The following WIPI1 variants were observed in gnomAD, a reference collection of about 807,000 sequenced individuals.
WIPI1 encodes the protein WD repeat domain, phosphoinositide interacting 1, also known as WD repeat domain phosphoinositide-interacting protein 1.
A neutral mutation model predicts 55.3 loss-of-function variants in WIPI1; 45 were observed. The ratio of observed to expected loss-of-function variants is 0.81; its 90% CI spans 0.64 to 1.04. The LOEUF (loss-of-function observed/expected upper bound fraction) is 1.04, where lower values mean the gene tolerates loss of function less well. Ranked by LOEUF, WIPI1 falls within the 50% of genes least tolerant of loss-of-function variation. The pLI, the probability that WIPI1 is intolerant of heterozygous loss-of-function variation, is 0.00. For synonymous variants in WIPI1, 195 were observed against 217.6 expected, an observed-to-expected ratio of 0.90 and a Z score of 0.92; for missense variants, 445 against 559.0, an observed-to-expected ratio of 0.80 and a Z score of 2.06.
At chr17:68,433,780 T>G (rs1271911851) in intron 7 of WIPI1, among the ~76,000 whole-genome samples, 13 of 126,014 alleles carry the variant, frequency 1.0e-4, no homozygotes, top group African/African-American at 1.9e-4. Flanking sequence ...TTTTTTTTTT[T>G]TTTTTTTTTT....
At chr17:68,446,955 G>A (rs540470316) in intron 3 of WIPI1, among the ~76,000 whole-genome samples, 25 of 152,326 alleles carry the variant, frequency 1.6e-4, no homozygotes, top group African/African-American at 3.6e-4. Context: ...CTCTTAGTTC[G>A]TGTGAGAGCA....
At chr17:68,431,773 T>C (rs75189335) in intron 8 of WIPI1, among the ~76,000 whole-genome samples, 390 of 8,932 alleles carry the variant, frequency 0.044, 5 homozygotes, top group Non-Finnish European at 0.041. Flanking sequence ...CGTGGACAGG[T>C]TGAGCGGAGA....
intron 3 of WIPI1, among the ~76,000 whole-genome samples, chr17:68,445,542 C>A (rs7223365): frequency 6.6e-6 from 1 of 152,108 alleles, no homozygotes; most frequent in African/African-American, 2.4e-5. Context: ...CACGTCCCCA[C>A]TGTTCCTTCC....
At chr17:68,443,131 G>A (rs1191273490) in intron 4 of WIPI1, among the ~76,000 whole-genome samples, 1 of 151,918 alleles carries the variant, frequency 6.6e-6, no homozygotes, top group East Asian at 1.9e-4. Context: ...TGTTTTTTGA[G>A]ACAGAGTCTC....
rs939953229 is a variant in WIPI1, at chr17:68,421,318, G to A, written c.*455C>T. The A allele has an allele frequency of 6.3e-5, 10 of 158,996 alleles. No homozygotes were observed. The highest frequency in any genetic ancestry group is 6.1e-4 in the Admixed American group (10 of 16,506). 9.8% of individuals were successfully genotyped at this position (158,996 alleles called of 1,614,324 possible). A position where few individuals can be genotyped will look rare whatever the true frequency, so the allele number is the denominator to read the frequency against. ...ATTTTATTATTAGTGTCCAAAATGG[G>A]ACTCCCAAGTAATAAATGATTTATT... is the stretch of plus-strand genomic sequence containing the variant. On this transcript the variant is annotated 3_prime_UTR_variant, in exon 13 of 13. Coordinates refer to ENST00000262139, the MANE Select transcript of WIPI1 (RefSeq NM_017983.7).
intron 4 of WIPI1, 133 bp downstream of exon 4, chr17:68,444,360 T>A: frequency 1.3e-6 from 1 of 767,644 alleles, no homozygotes; most frequent in East Asian, 2.7e-5. Context: ...AAGACAAAGC[T>A]TCGAGATAAA....
chr17:68,440,270 G>A (rs1296712724), intron 4 of WIPI1, among the ~76,000 whole-genome samples: 1 of 152,178 alleles, frequency 6.6e-6, no homozygotes, highest in Admixed American at 6.5e-5. Flanking sequence ...TGGCCCAAGT[G>A]TCAGAAAAAT....
At chr17:68,444,849 C>T (rs1200372045) in intron 3 of WIPI1, among the ~76,000 whole-genome samples, 2 of 151,120 alleles carry the variant, frequency 1.3e-5, no homozygotes, top group Non-Finnish European at 2.9e-5. Context: ...CTTCCTTCTT[C>T]CCTCCCTCCA....
intron 8 of WIPI1, among the ~76,000 whole-genome samples, chr17:68,433,168 G>A (rs945139000): frequency 3.3e-5 from 5 of 152,228 alleles, no homozygotes; most frequent in Non-Finnish European, 7.3e-5. Flanking sequence ...TAATACTACT[G>A]TTATGTTCAT....
At position 68,450,854 on chromosome 17, in the gene WIPI1, G is replaced by T; in HGVS notation, c.207C>A (p.Ser69Arg). Reference protein sequence around the residue: ...DVYIVERLFSSSLVVVVSHTK... With the variant: ...DVYIVERLFSRSLVVVVSHTK... ...TGTGACTGACTACCACCACCAGGCT[G>T]CTGGAGAAGAGGCGCTCCACGATGT... Residue 69 changes from serine (S) to arginine (R), a missense_variant, in exon 3 of 13, where the codon AGC becomes AGA. Physicochemically the swap from Ser to Arg is moderately radical, Grantham distance 110 (BLOSUM62 -1). Transcript: ENST00000262139. 6.2e-7 allele frequency: 1 copy of T among 1,614,100 alleles called. No individual in the cohort carries two copies. Among genetic ancestry groups the T allele is most frequent in the Non-Finnish European group, 8.5e-7 (1 of 1,180,016 alleles).
chr17:68,457,193 T>C (rs1338367481), intron 1 of WIPI1, 149 bp downstream of exon 1: 1 of 899,852 alleles, frequency 1.1e-6, no homozygotes, highest in Non-Finnish European at 1.6e-6. Flanking sequence ...GGTACGGGGA[T>C]AACAAGATCC....
Position 68,433,508 on chromosome 17 carries a change from C to T in WIPI1, c.760G>A (p.Glu254Lys), listed in dbSNP as rs375682247. 175 of 1,613,958 alleles carry T rather than the reference C, an allele frequency of 1.1e-4. No homozygotes were observed. In the Middle Eastern group the frequency reaches 4.1e-3, roughly 38 times the overall value. The change falls in exon 8 of 13, where the codon GAG (glutamate) becomes AAG (lysine). Residue 254 changes from glutamate (E) to lysine (K), a missense_variant. Physicochemically the swap from Glu to Lys is moderately conservative, Grantham distance 56. Coordinates refer to ENST00000262139, the MANE Select transcript of WIPI1 (RefSeq NM_017983.7). ...SQFLCASSNT[E>K]TVHIFKLEQV... The stretch of plus-strand genomic sequence containing the variant: ...TCCAGCTTGAAGATGTGTACCGTCT[C>T]GGTGTTACTGGAGGCGCAGAGGAAT...
chr17:68,453,351 C>T (rs2084561512), intron 1 of WIPI1, among the ~76,000 whole-genome samples: 1 of 152,196 alleles, frequency 6.6e-6, no homozygotes, highest in Non-Finnish European at 1.5e-5. Flanking sequence ...GAAAGCTCTA[C>T]CTCCAACACA....
At chr17:68,451,211 A>T (rs1366869446) in intron 2 of WIPI1, among the ~76,000 whole-genome samples, 1 of 152,218 alleles carries the variant, frequency 6.6e-6, no homozygotes, top group Admixed American at 6.5e-5. Context: ...CAGGAGAATC[A>T]CTTGAGGCCA....
intron 3 of WIPI1, among the ~76,000 whole-genome samples, chr17:68,449,870 G>A (rs935832225): frequency 2.6e-5 from 4 of 152,180 alleles, no homozygotes; most frequent in African/African-American, 9.7e-5. Context: ...AATTAGCTGG[G>A]CGTGGTGGTG....
intron 11 of WIPI1, 131 bp downstream of exon 11, chr17:68,427,004 G>A: frequency 4.1e-6 from 3 of 729,104 alleles, no homozygotes; most frequent in Admixed American, 2.5e-5. Context: ...AGGTAACAGT[G>A]AAGGGGGAAG....
Position 68,435,715 on chromosome 17 carries a change from G to A in WIPI1, c.529-3C>T, listed in dbSNP as rs1568635442. 1.2e-6 allele frequency: 2 copies of A among 1,614,154 alleles called. No individual in the cohort carries two copies. The highest frequency in any genetic ancestry group is 2.2e-5 in the South Asian group (2 of 91,086). On this transcript the variant is annotated splice_polypyrimidine_tract_variant and splice_region_variant and intron_variant, in intron 5 of 12. Coordinates refer to ENST00000262139, the MANE Select transcript of WIPI1 (RefSeq NM_017983.7). ...GCAGCAATAGTGCAGACTGTTTTCT[G>A]TTGGTGAAAAGGAAAAATGGATACA... is the stretch of plus-strand genomic sequence containing the variant.
chr17:68,435,900 G>C (rs536416906), intron 5 of WIPI1, among the ~76,000 whole-genome samples, 188 bp from the exon 6 acceptor site: 40 of 152,316 alleles, frequency 2.6e-4, no homozygotes, highest in Admixed American at 1.6e-3. Context: ...GGCTTCAAGG[G>C]CCACTCCATT....
chr17:68,436,620 C>T, intron 4 of WIPI1, 141 bp from the exon 5 acceptor site: 1 of 692,150 alleles, frequency 1.4e-6, no homozygotes, highest in Non-Finnish European at 2.4e-6. Context: ...CTGCTTTCCG[C>T]TGATGATTCT....
Sources: gnomAD v4.1 joint callset for allele counts (sites outside exome capture counted in the v4.1 genomes callset) on GRCh38, gnomAD v4.1.1 for gene constraint, MANE v1.5 for transcripts, NCBI Gene and HGNC (gene_info 2026-07-23, HGNC 2026-07-21) for gene names.